Variants in SLC9A8 observed in about 807,000 individuals in gnomAD.
SLC9A8 encodes solute carrier family 9 member A8.
Under a neutral mutation model 66.6 loss-of-function variants are expected in SLC9A8, and 48 were observed. The ratio of observed to expected loss-of-function variants is 0.72; its 90% CI spans 0.57 to 0.92. The LOEUF is 0.92. Ranked by LOEUF, SLC9A8 falls within the 40% of genes least tolerant of loss-of-function variation. The pLI is 0.00. For missense variants in SLC9A8, 599 were observed against 747.3 expected, an observed-to-expected ratio of 0.80 and a Z score of 2.31; for synonymous variants, 274 against 282.6, an observed-to-expected ratio of 0.97 and a Z score of 0.31.
intron 9 of SLC9A8, among the ~76,000 whole-genome samples, chr20:49,863,284 A>C (rs1845965110): frequency 6.6e-6 from 1 of 152,218 alleles, no homozygotes; most frequent in African/African-American, 2.4e-5. Flanking sequence ...AGTTTAAAAA[A>C]CATGTACACT....
rs148301495 is a variant in SLC9A8 at position 49,850,680 on chromosome 20, A to G, written c.535-130A>G. The G allele has an allele frequency of 4.4e-6, 5 of 1,148,848 alleles. No homozygotes were observed. The African/African-American group carries it at 6.2e-5, about 14-fold the overall frequency. 71.2% of individuals were successfully genotyped at this position (1,148,848 alleles called of 1,614,324 possible). A position where few individuals can be genotyped will look rare whatever the true frequency, so the allele number is the denominator to read the frequency against. ...AAGGCTTAGGAGCTTTTATTTTTCA[A>G]GTGGTTTGGGAACTGAAGATTAATG... is the stretch of plus-strand genomic sequence containing the variant. On this transcript the variant is annotated intron_variant, in intron 6 of 15. Coordinates refer to ENST00000361573, the MANE Select transcript of SLC9A8 (RefSeq NM_015266.3).
intron 1 of SLC9A8, among the ~76,000 whole-genome samples, chr20:49,814,116 G>A (rs2086461109): frequency 6.6e-6 from 1 of 152,062 alleles, no homozygotes; most frequent in Non-Finnish European, 1.5e-5. Context: ...TATTTATTGA[G>A]CAGCTGCTCC....
At chr20:49,858,624 C>T (rs1008359160) in intron 8 of SLC9A8, among the ~76,000 whole-genome samples, 2 of 151,798 alleles carry the variant, frequency 1.3e-5, no homozygotes, top group African/African-American at 4.8e-5. Flanking sequence ...ATGGAGTCAT[C>T]GTTGGTAGCC....
rs779414625 is a variant in SLC9A8, at chr20:49,886,174, A to C, written c.1492-578A>C. Among the ~76,000 whole-genome samples the C allele has an allele frequency of 1.4e-5, 2 of 143,822 alleles. No homozygotes were observed. Among genetic ancestry groups the C allele is most frequent in the Non-Finnish European group, 3.0e-5 (2 of 66,954 alleles). 94.4% of individuals were successfully genotyped at this position (143,822 alleles called of 152,430 possible). A position where few individuals can be genotyped will look rare whatever the true frequency, so the allele number is the denominator to read the frequency against. ...ACTGTGGCCCCACTGAGACTCCTCC[A>C]GCAGAGCAGGCGCTGCACTCAGAGC... On this transcript the variant is annotated intron_variant, in intron 14 of 15. Transcript: ENST00000361573. This position sits in a 1 kb window ranked among gnomAD's most constrained non-coding sequence, Gnocchi z 4.8.
At chr20:49,839,213 G>A (rs961256531) in intron 3 of SLC9A8, among the ~76,000 whole-genome samples, 17 of 152,208 alleles carry the variant, frequency 1.1e-4, no homozygotes, top group African/African-American at 4.1e-4. Flanking sequence ...TGTAAACTCT[G>A]CATTTCACAT....
chr20:49,839,393 C>T (rs1458813568), intron 3 of SLC9A8, 148 bp from the exon 4 acceptor site: 6 of 423,580 alleles, frequency 1.4e-5, no homozygotes, highest in Non-Finnish European at 2.1e-5. Context: ...AGATGTCTCA[C>T]GTCTCCCTAA....
chr20:49,878,475 G>A (rs1857125322), intron 12 of SLC9A8, among the ~76,000 whole-genome samples: 2 of 152,132 alleles, frequency 1.3e-5, no homozygotes, highest in Admixed American at 6.5e-5. Flanking sequence ...TGTTCACAGT[G>A]GTCATAGAGT....
At chr20:49,861,289 T>C (rs997917299) in intron 8 of SLC9A8, among the ~76,000 whole-genome samples, 2 of 152,154 alleles carry the variant, frequency 1.3e-5, no homozygotes, top group African/African-American at 2.4e-5. Context: ...AGGGCCTGTA[T>C]TTCTAGCACT....
Position 49,839,578 on chromosome 20 carries a change from T to C in SLC9A8, c.327T>C (p.Phe109=), listed in dbSNP as rs762145593. The C allele has an allele frequency of 1.2e-6, 2 of 1,601,708 alleles. No homozygotes were observed. The stretch of plus-strand genomic sequence containing the variant: ...GAGCAGTTATAAAAATTATAGAGTT[T>C]AAAAAACTGGCGAATTGGAAGGTAG... ...LMGAVIKIIE[F]KKLANWKEEE... Residue 109 remains phenylalanine (F), a synonymous_variant, in exon 4 of 16, where the codon TTT becomes TTC. Coordinates refer to ENST00000361573, the MANE Select transcript of SLC9A8 (RefSeq NM_015266.3).
Position 49,839,819 on chromosome 20 carries a change from A to AT in SLC9A8, c.348+229dup, listed in dbSNP as rs1334282080. Among the ~76,000 whole-genome samples, 40 of 151,150 alleles carry AT rather than the reference A, an allele frequency of 2.6e-4. No homozygotes were observed. The East Asian group carries it at 2.7e-3, about 10-fold the overall frequency. ...TCAAGTGAACATGGGCGCCAATGTC[A>AT]TTTTTTTTTGTTATTATACTTGCAT... On this transcript the variant is annotated intron_variant, in intron 4 of 15. Transcript: ENST00000361573.
At position 49,887,988 on chromosome 20, in the gene SLC9A8, G is replaced by T. The variant is rs951305079; in HGVS notation, c.*52G>T. The T allele has an allele frequency of 1.4e-6, 2 of 1,398,090 alleles. No homozygotes were observed. The highest frequency in any genetic ancestry group is 1.0e-6 in the Non-Finnish European group (1 of 985,414). 86.6% of individuals were successfully genotyped at this position (1,398,090 alleles called of 1,614,324 possible). A position where few individuals can be genotyped will look rare whatever the true frequency, so the allele number is the denominator to read the frequency against. On this transcript the variant is annotated 3_prime_UTR_variant, in exon 16 of 16. Coordinates refer to ENST00000361573, the MANE Select transcript of SLC9A8 (RefSeq NM_015266.3). ...CAGGCCCAGGATGGGCGTTTGCTGC[G>T]CACAGACACTCAGCAGGGGCCTCGC...
At chr20:49,878,316 T>A (rs1418510673) in intron 12 of SLC9A8, among the ~76,000 whole-genome samples, 1 of 152,130 alleles carries the variant, frequency 6.6e-6, no homozygotes, top group African/African-American at 2.4e-5. Context: ...TGGCCTTGAA[T>A]ATTATGGTCT....
intron 4 of SLC9A8, 23 bp from the exon 5 acceptor site, chr20:49,845,013 A>G (rs780395096): frequency 3.9e-6 from 6 of 1,540,716 alleles, no homozygotes; most frequent in Non-Finnish European, 5.4e-6. Context: ...CATGCCCTTA[A>G]GATACTCATT....
chr20:49,847,183 T>C, intron 5 of SLC9A8, among the ~76,000 whole-genome samples: 1 of 150,844 alleles, frequency 6.6e-6, no homozygotes, highest in East Asian at 1.9e-4. Context: ...TCACAAGTCT[T>C]ACAAACTGTT....
chr20:49,884,122 G>T, intron 14 of SLC9A8, 56 bp downstream of exon 14: 1 of 1,516,058 alleles, frequency 6.6e-7, no homozygotes. Flanking sequence ...TACGCAGCTG[G>T]TGGTCCCCAC....
Position 49,867,264 on chromosome 20 carries a change from G to T in SLC9A8, c.958+2420G>T, listed in dbSNP as rs190109664. Among the ~76,000 whole-genome samples the T allele has an allele frequency of 6.9e-3, 1,052 of 151,788 alleles. 15 individuals carry two copies. Among genetic ancestry groups the T allele is most frequent in the African/African-American group, 0.023 (973 of 41,426 alleles). ...TTTTCTTTTAAAAACAATTTTTTTT[G>T]TGTGTGTGTGTTATTTCTGGACTTT... On this transcript the variant is annotated intron_variant, in intron 10 of 15. Coordinates refer to ENST00000361573, the MANE Select transcript of SLC9A8 (RefSeq NM_015266.3).
At chr20:49,875,000 A>T (rs998476787) in intron 11 of SLC9A8, among the ~76,000 whole-genome samples, 179 bp downstream of exon 11, 1 of 152,216 alleles carries the variant, frequency 6.6e-6, no homozygotes, top group Non-Finnish European at 1.5e-5. Context: ...TCATAAAGTA[A>T]ACCAAACACC....
At chr20:49,879,935 T>C (rs1369063774) in intron 12 of SLC9A8, among the ~76,000 whole-genome samples, 1 of 152,058 alleles carries the variant, frequency 6.6e-6, no homozygotes, top group African/African-American at 2.4e-5. Flanking sequence ...GAAAGTAAAG[T>C]AATAAATGTC....
rs1438419773 is a variant in SLC9A8 at position 49,889,006 on chromosome 20, CCCT to C, written c.*1075_*1077del. On this transcript the variant is annotated 3_prime_UTR_variant, in exon 16 of 16. Transcript: ENST00000361573. ...GGCCAGAGCAGCAGCACCCAGTGCT[CCCT>C]CCTCTACTCTGACCTGGGGCCCCAG... The C allele has an allele frequency of 6.6e-6, 1 of 152,370 alleles. No homozygotes were observed. The highest frequency in any genetic ancestry group is 2.4e-5 in the African/African-American group (1 of 41,460). 9.4% of individuals were successfully genotyped at this position (152,370 alleles called of 1,614,324 possible).
Sources: allele counts gnomAD v4.1 joint callset (sites outside exome capture counted in the v4.1 genomes callset), GRCh38; gene constraint gnomAD v4.1.1; non-coding constraint Gnocchi (gnomAD v3.1); transcripts MANE v1.5; gene names NCBI Gene and HGNC (gene_info 2026-07-23, HGNC 2026-07-21).